The following QTGAL variants were observed in gnomAD, a reference collection of about 807,000 sequenced individuals.
QTGAL encodes queuosine-tRNA galactosyltransferase.
the QTGAL span, among the ~76,000 whole-genome samples, chr17:83,051,160 CGG>C: frequency 6.4e-5 from 1 of 15,508 alleles, no homozygotes; most frequent in Non-Finnish European, 1.3e-4. Flanking sequence ...GGCAGGTGTG[CGG>C]GGGCGGGGCA....
chr17:83,029,717 C>T, the QTGAL span, among the ~76,000 whole-genome samples: 1 of 152,212 alleles, frequency 6.6e-6, no homozygotes, highest in Admixed American at 6.5e-5. Context: ...ACCTAACTCA[C>T]AATCCTCCTC....
chr17:83,036,849 C>A, the QTGAL span, among the ~76,000 whole-genome samples: 1 of 152,138 alleles, frequency 6.6e-6, no homozygotes, highest in South Asian at 2.1e-4. Flanking sequence ...GAAGGCTCAA[C>A]TTCCCCCTGC....
At chr17:83,035,237 T>C in the QTGAL span, 1 of 659,806 alleles carries the variant, frequency 1.5e-6, no homozygotes, top group African/African-American at 1.9e-5. Context: ...TGGAGTGCAG[T>C]GGCGTGATTT....
chr17:82,942,643 G>T, the QTGAL span: 3 of 712,806 alleles, frequency 4.2e-6, no homozygotes, highest in Non-Finnish European at 7.2e-6. Flanking sequence ...GGTGACTTGG[G>T]GTGGACGCCT....
chr17:82,970,889 G>A, the QTGAL span, among the ~76,000 whole-genome samples: 8 of 152,172 alleles, frequency 5.3e-5, no homozygotes, highest in Non-Finnish European at 1.0e-4. Flanking sequence ...CTGCCTTTGC[G>A]GGGGGCCTCA....
the QTGAL span, among the ~76,000 whole-genome samples, chr17:82,946,387 ATGAT>A: frequency 4.6e-5 from 7 of 152,382 alleles, no homozygotes; most frequent in East Asian, 1.3e-3. Context: ...CAACAGGAAG[ATGAT>A]TGATAGAACT....
chr17:83,012,852 C>T, the QTGAL span, among the ~76,000 whole-genome samples: 1 of 152,094 alleles, frequency 6.6e-6, no homozygotes, highest in African/African-American at 2.4e-5. Flanking sequence ...TCTGTTTCCA[C>T]ATGACTGAAA....
At chr17:83,049,476 G>A in the QTGAL span, among the ~76,000 whole-genome samples, 1 of 144,788 alleles carries the variant, frequency 6.9e-6, no homozygotes, top group African/African-American at 2.6e-5. Flanking sequence ...GCAGTGGCTC[G>A]ATCTCGGCTC....
chr17:82,951,026 CA>C, the QTGAL span, among the ~76,000 whole-genome samples: 1 of 152,212 alleles, frequency 6.6e-6, no homozygotes, highest in Non-Finnish European at 1.5e-5. Context: ...CGAATTTTTG[CA>C]ATCAGATCTT....
the QTGAL span, among the ~76,000 whole-genome samples, chr17:83,033,639 T>A: frequency 6.6e-6 from 1 of 151,124 alleles, no homozygotes; most frequent in East Asian, 2.0e-4. Context: ...GCCCAGCTAA[T>A]TTTTTGTATT....
the QTGAL span, among the ~76,000 whole-genome samples, chr17:83,042,164 C>T: frequency 0.028 from 4,191 of 152,254 alleles, 191 homozygotes; most frequent in African/African-American, 0.095. Context: ...TCCAGGAATT[C>T]GAGACCAGCC....
At chr17:83,033,566 G>A in the QTGAL span, among the ~76,000 whole-genome samples, 2 of 150,544 alleles carry the variant, frequency 1.3e-5, no homozygotes, top group Admixed American at 6.6e-5. Flanking sequence ...CCGCCTCCCG[G>A]GTTCACGCCA....
At chr17:83,028,447 C>T in the QTGAL span, among the ~76,000 whole-genome samples, 31,397 of 149,156 alleles carry the variant, frequency 0.21, 3,376 homozygotes, top group Middle Eastern at 0.24. Flanking sequence ...TGGCGTGAAC[C>T]CCAGGGGGCG....
the QTGAL span, among the ~76,000 whole-genome samples, chr17:82,983,367 T>C: frequency 6.6e-6 from 1 of 152,292 alleles, no homozygotes; most frequent in South Asian, 2.1e-4. Flanking sequence ...GTAGACTTTG[T>C]CAAAATGACT....
the QTGAL span, among the ~76,000 whole-genome samples, chr17:82,962,029 G>A: frequency 1.3e-5 from 2 of 152,310 alleles, no homozygotes; most frequent in South Asian, 2.1e-4. Flanking sequence ...GTTCTCTGCG[G>A]CAGCTCACCT....
chr17:83,033,825 C>T, the QTGAL span, among the ~76,000 whole-genome samples: 2 of 152,204 alleles, frequency 1.3e-5, no homozygotes, highest in South Asian at 4.2e-4. Flanking sequence ...AAGAATCTCA[C>T]TAATCTGTGT....
the QTGAL span, among the ~76,000 whole-genome samples, chr17:82,970,071 C>T: frequency 2.7e-4 from 41 of 152,344 alleles, 2 homozygotes; most frequent in South Asian, 4.1e-4. Flanking sequence ...GGGATAACTT[C>T]GAGCAACCTA....
the QTGAL span, among the ~76,000 whole-genome samples, chr17:82,975,835 A>G: frequency 1.2e-5 from 1 of 82,548 alleles, no homozygotes. Context: ...CTTATGGGGA[A>G]ACAGGGCCCC....
chr17:82,956,725 G>C, the QTGAL span: 3 of 1,590,314 alleles, frequency 1.9e-6, no homozygotes, highest in Non-Finnish European at 2.6e-6. This position sits in a 1 kb window ranked among gnomAD's most constrained non-coding sequence, Gnocchi z 5.7. Context: ...AGGGTGGCCG[G>C]GCGGCTCGGA....
Sources: gnomAD v4.1 joint callset for allele counts (sites outside exome capture counted in the v4.1 genomes callset) on GRCh38, gnomAD v4.1.1 for gene constraint, Gnocchi (gnomAD v3.1) non-coding constraint, MANE v1.5 for transcripts, NCBI Gene and HGNC (gene_info 2026-07-23, HGNC 2026-07-21) for gene names.